RAMP1: variants seen among roughly 807,000 people sequenced by gnomAD.
The protein encoded by RAMP1 is receptor activity-modifying protein 1.
Under a neutral mutation model 8.2 loss-of-function variants are expected in RAMP1, and 7 were observed. The ratio of observed to expected loss-of-function variants is 0.85; its 90% CI spans 0.49 to 1.60. The LOEUF is 1.60. Ranked by LOEUF, RAMP1 falls within the 40% of genes most tolerant of loss-of-function variation. The pLI is 0.00. For synonymous variants in RAMP1, 92 were observed against 84.7 expected (o/e 1.09, Z -0.47); for missense variants, 192 against 202.4 (o/e 0.95, Z 0.31).
chr2:237,867,639 C>T (rs2062202431), intron 1 of RAMP1, among the ~76,000 whole-genome samples: 1 of 152,204 alleles, frequency 6.6e-6, no homozygotes, highest in African/African-American at 2.4e-5. Context: ...ACTGGCGAGG[C>T]TGTGACACAG....
intron 2 of RAMP1, among the ~76,000 whole-genome samples, chr2:237,883,139 T>C (rs1273279830): frequency 6.6e-6 from 1 of 152,156 alleles, no homozygotes; most frequent in Non-Finnish European, 1.5e-5. Flanking sequence ...CAGGGGATTC[T>C]GAAGGCAGGA....
intron 1 of RAMP1, among the ~76,000 whole-genome samples, chr2:237,871,817 C>T (rs1311256623): frequency 1.3e-5 from 2 of 152,250 alleles, no homozygotes; most frequent in African/African-American, 2.4e-5. Flanking sequence ...GCCAAGAGAG[C>T]GCCAGTGCAC....
chr2:237,899,223 G>A (rs2062574654), intron 2 of RAMP1, among the ~76,000 whole-genome samples: 1 of 152,202 alleles, frequency 6.6e-6, no homozygotes, highest in South Asian at 2.1e-4. Context: ...GGCACACGCT[G>A]CCACACCCAG....
In RAMP1 at chr2:237,877,187, G is replaced by A. The variant is rs975364587; in HGVS notation, c.53-37G>A. On this transcript the variant is annotated intron_variant, in intron 1 of 2. Transcript: ENST00000254661. The surrounding 1 kb of genome is among the most constrained non-coding windows in gnomAD (Gnocchi z 4.4). ...GCGGTGATACCCCTAGGCCTCTGCT[G>A]CCGCCCGCCATCTCTTCATGGCCGT... The A allele has an allele frequency of 1.9e-6, 3 of 1,612,214 alleles. No individual in the cohort carries two copies. The highest frequency in any genetic ancestry group is 3.3e-5 in the Admixed American group (2 of 60,016).
At chr2:237,866,472 G>A (rs755943005) in intron 1 of RAMP1, among the ~76,000 whole-genome samples, 2 of 152,112 alleles carry the variant, frequency 1.3e-5, no homozygotes, top group African/African-American at 4.8e-5. Flanking sequence ...CAGTCGTACT[G>A]TGTTGGAGAG....
chr2:237,906,279 TG>T (rs1442306268), intron 2 of RAMP1, among the ~76,000 whole-genome samples: 4 of 152,146 alleles, frequency 2.6e-5, no homozygotes, highest in Admixed American at 2.6e-4. Context: ...GCACACTCTC[TG>T]CTGCCTCTCC....
At chr2:237,879,977 G>A (rs1422556479) in intron 2 of RAMP1, among the ~76,000 whole-genome samples, 1 of 119,262 alleles carries the variant, frequency 8.4e-6, no homozygotes, top group Non-Finnish European at 1.6e-5. Context: ...GGGACAGAGT[G>A]AGACTTTGTC....
chr2:237,909,915 G>A lies in RAMP1; in HGVS notation c.192-1613G>A, dbSNP rs570728888. Reference sequence around the variant, plus strand: ...GGCTTCGAGGGTTAAAATTCCTGGAGCAGAGGGGACTCCGCGATGGCTTCT... The same window carrying A: ...GGCTTCGAGGGTTAAAATTCCTGGAACAGAGGGGACTCCGCGATGGCTTCT... On this transcript the variant is annotated intron_variant, in intron 2 of 2. Coordinates refer to ENST00000254661, the MANE Select transcript of RAMP1 (RefSeq NM_005855.4). Among the ~76,000 whole-genome samples, 26 of 152,202 alleles carry A rather than the reference G, an allele frequency of 1.7e-4. 1 individual carries two copies. In the South Asian group the frequency reaches 5.2e-3, roughly 30 times the overall value.
intron 2 of RAMP1, among the ~76,000 whole-genome samples, chr2:237,906,717 CTTTTT>C (rs71402734): frequency 2.3e-5 from 2 of 86,212 alleles, no homozygotes; most frequent in Non-Finnish European, 4.1e-5. Context: ...ATATCAACCT[CTTTTT>C]TTTTTTTTTT....
chr2:237,874,704 G>T, intron 1 of RAMP1: 1 of 984,106 alleles, frequency 1.0e-6, no homozygotes, highest in Non-Finnish European at 1.2e-6. Flanking sequence ...TGAGAAATCC[G>T]GGTATGGCCA....
At chr2:237,864,153 C>T (rs1040468385) in intron 1 of RAMP1, among the ~76,000 whole-genome samples, 2 of 123,780 alleles carry the variant, frequency 1.6e-5, no homozygotes, top group African/African-American at 8.7e-5. Flanking sequence ...TGACCTGGCC[C>T]GTGGCCTGGG....
At chr2:237,873,573 C>T (rs2062268278) in intron 1 of RAMP1, among the ~76,000 whole-genome samples, 1 of 152,204 alleles carries the variant, frequency 6.6e-6, no homozygotes, top group Non-Finnish European at 1.5e-5. Flanking sequence ...GAGTTCCTAA[C>T]TTACGCACAG....
At chr2:237,895,280 G>A (rs2151017902) in intron 2 of RAMP1, among the ~76,000 whole-genome samples, 1 of 152,304 alleles carries the variant, frequency 6.6e-6, no homozygotes, top group East Asian at 1.9e-4. Flanking sequence ...AAGGGGTCCT[G>A]TGGGGGGGTC....
At position 237,862,709 on chromosome 2, in the gene RAMP1, A is replaced by C. The variant is rs2062144073; in HGVS notation, c.52+2982A>C. On this transcript the variant is annotated intron_variant, in intron 1 of 2. Transcript: ENST00000254661. The surrounding 1 kb of genome is among the most constrained non-coding windows in gnomAD (Gnocchi z 4.0). The stretch of plus-strand genomic sequence containing the variant: ...GCCCCTGCCAGTGCCCCCACCCCCA[A>C]CTCAGGCCTAGAACCCCTCTTTCCT... Among the ~76,000 whole-genome samples, 1 of 151,636 alleles carries C rather than the reference A, an allele frequency of 6.6e-6. No individual in the cohort carries two copies. The highest frequency in any genetic ancestry group is 1.5e-5 in the Non-Finnish European group (1 of 67,888).
intron 2 of RAMP1, among the ~76,000 whole-genome samples, chr2:237,892,709 C>T (rs2062498688): frequency 6.6e-6 from 1 of 151,908 alleles, no homozygotes; most frequent in African/African-American, 2.4e-5. Context: ...TGTGAGATGA[C>T]AGGAATCTGG....
chr2:237,876,858 A>C (rs1024325474), intron 1 of RAMP1, among the ~76,000 whole-genome samples: 1 of 152,220 alleles, frequency 6.6e-6, no homozygotes, highest in African/African-American at 2.4e-5. Context: ...GCTGGGGGGC[A>C]CAGCCCAGCC....
At position 237,878,712 on chromosome 2, in the gene RAMP1, C is replaced by G. The variant is rs2062335047; in HGVS notation, c.191+1350C>G. Among the ~76,000 whole-genome samples the G allele has an allele frequency of 6.6e-6, 1 of 152,268 alleles. No individual in the cohort carries two copies. Among genetic ancestry groups the G allele is most frequent in the African/African-American group, 2.4e-5 (1 of 41,476 alleles). ...AACTCCCTCAGGCCCAGAGTCCGTGCTCAGTGCACTGTTGTTGAGGCGACT... is the reference window on the plus strand; with the variant it reads ...AACTCCCTCAGGCCCAGAGTCCGTGGTCAGTGCACTGTTGTTGAGGCGACT... On this transcript the variant is annotated intron_variant, in intron 2 of 2. Coordinates refer to ENST00000254661, the MANE Select transcript of RAMP1 (RefSeq NM_005855.4). The surrounding 1 kb of genome is among the most constrained non-coding windows in gnomAD (Gnocchi z 5.7).
In RAMP1 at chr2:237,862,115, G is replaced by T. The variant is rs753718139; in HGVS notation, c.52+2388G>T. On this transcript the variant is annotated intron_variant, in intron 1 of 2. Coordinates refer to ENST00000254661, the MANE Select transcript of RAMP1 (RefSeq NM_005855.4). This position sits in a 1 kb window ranked among gnomAD's most constrained non-coding sequence, Gnocchi z 4.0. Reference sequence around the variant, plus strand: ...AACGCATGCCTTCCTTGGCTGTCACGTGGGAGCCAGGGGTTTTTTTAATGG... The same window carrying T: ...AACGCATGCCTTCCTTGGCTGTCACTTGGGAGCCAGGGGTTTTTTTAATGG... Among the ~76,000 whole-genome samples, 1 of 152,094 alleles carries T rather than the reference G, an allele frequency of 6.6e-6. No individual in the cohort carries two copies. Among genetic ancestry groups the T allele is most frequent in the Non-Finnish European group, 1.5e-5 (1 of 68,016 alleles).
intron 1 of RAMP1, among the ~76,000 whole-genome samples, chr2:237,868,495 G>A (rs12473141): frequency 0.11 from 16,703 of 148,710 alleles, 1,075 homozygotes; most frequent in Middle Eastern, 0.3. Context: ...TTGTGAATTT[G>A]TATTTTCATG....
Sources: gnomAD v4.1 joint callset for allele counts (sites outside exome capture counted in the v4.1 genomes callset) on GRCh38, gnomAD v4.1.1 for gene constraint, Gnocchi (gnomAD v3.1) non-coding constraint, MANE v1.5 for transcripts, NCBI Gene and HGNC (gene_info 2026-07-23, HGNC 2026-07-21) for gene names.